Variants in PAPPA2 observed in about 807,000 individuals in gnomAD.
PAPPA2 encodes the protein pappalysin 2, also known as pappalysin-2.
A neutral mutation model predicts 176.4 loss-of-function variants in PAPPA2; 86 were observed. That is an observed-to-expected ratio of 0.49 (90% CI 0.41 to 0.58). PAPPA2 has a LOEUF of 0.58. PAPPA2 is among the 20% of genes least tolerant of loss of function. The pLI, the probability that PAPPA2 is intolerant of heterozygous loss-of-function variation, is 0.00. For synonymous variants in PAPPA2, 809 were observed against 852.2 expected, an observed-to-expected ratio of 0.95 and a Z score of 0.88; for missense variants, 2,073 against 2,256.9, an observed-to-expected ratio of 0.92 and a Z score of 1.65.
At chr1:176,649,667 A>G (rs1217276356) in intron 3 of PAPPA2, among the ~76,000 whole-genome samples, 1 of 151,410 alleles carries the variant, frequency 6.6e-6, no homozygotes, top group Non-Finnish European at 1.5e-5. Context: ...TGTAATGGTC[A>G]CTCAGAAACA....
chr1:176,629,417 G>A (rs1656220758), intron 3 of PAPPA2, among the ~76,000 whole-genome samples: 1 of 152,198 alleles, frequency 6.6e-6, no homozygotes, highest in South Asian at 2.1e-4. Context: ...TGGCAGGTGG[G>A]CAACTGGCAA....
At chr1:176,592,680 G>A (rs990021259) in intron 2 of PAPPA2, among the ~76,000 whole-genome samples, 4 of 152,038 alleles carry the variant, frequency 2.6e-5, no homozygotes, top group African/African-American at 7.2e-5. Context: ...ATATCTGAAC[G>A]CATACATCTA....
At chr1:176,708,148 T>C (rs1174875484) in intron 10 of PAPPA2, among the ~76,000 whole-genome samples, 1 of 152,166 alleles carries the variant, frequency 6.6e-6, no homozygotes, top group Non-Finnish European at 1.5e-5. Flanking sequence ...GTAGCTCAAG[T>C]CTTATTTAAC....
At chr1:176,600,516 A>G (rs1262949522) in intron 3 of PAPPA2, among the ~76,000 whole-genome samples, 2 of 151,518 alleles carry the variant, frequency 1.3e-5, no homozygotes, top group African/African-American at 4.9e-5. Flanking sequence ...CTCTACTAAA[A>G]ATACAAAAAA....
At chr1:176,527,762 C>T (rs1418402763) in intron 1 of PAPPA2, among the ~76,000 whole-genome samples, 1 of 152,046 alleles carries the variant, frequency 6.6e-6, no homozygotes, top group Non-Finnish European at 1.5e-5. Context: ...AGAAGAAACC[C>T]TCCACCAAGA....
intron 3 of PAPPA2, among the ~76,000 whole-genome samples, chr1:176,660,552 A>G (rs1658306106): frequency 6.6e-6 from 1 of 152,130 alleles, no homozygotes; most frequent in South Asian, 2.1e-4. Flanking sequence ...GATCTGGGCT[A>G]GGGATATAAA....
chr1:176,840,596 G>A (rs946511137), intron 22 of PAPPA2, among the ~76,000 whole-genome samples: 1 of 152,006 alleles, frequency 6.6e-6, no homozygotes, highest in Admixed American at 6.6e-5. Flanking sequence ...GGGGGAGGTG[G>A]GATTATCAAC....
chr1:176,481,299 C>CACACAG (rs1228115162), intron 1 of PAPPA2, among the ~76,000 whole-genome samples: 3 of 146,774 alleles, frequency 2.0e-5, no homozygotes, highest in African/African-American at 7.6e-5. Flanking sequence ...CACACACACA[C>CACACAG]AGACAAAGCA....
chr1:176,671,805 G>A (rs1428038128), intron 4 of PAPPA2, among the ~76,000 whole-genome samples: 11 of 150,030 alleles, frequency 7.3e-5, no homozygotes, highest in Admixed American at 2.0e-4. Flanking sequence ...GTAAACTATC[G>A]CAAGAACAAA....
chr1:176,771,049 C>T lies in PAPPA2; in HGVS notation c.4584C>T (p.Pro1528=). 6.2e-7 allele frequency: 1 copy of T among 1,614,084 alleles called. No homozygotes were observed. The highest frequency in any genetic ancestry group is 8.5e-7 in the Non-Finnish European group (1 of 1,179,994). Residue 1528 remains proline (P), a synonymous_variant, in exon 17 of 23, where the codon CCC becomes CCT. Transcript: ENST00000367662. ...EVYCKLECDA[P]PIILNANLLL... The stretch of plus-strand genomic sequence containing the variant: ...ACTGCAAGTTGGAGTGTGATGCTCC[C>T]CCTATTATTCTGAATGCCAACTTGC...
intron 4 of PAPPA2, among the ~76,000 whole-genome samples, chr1:176,686,841 A>T (rs908084201): frequency 2.0e-5 from 3 of 152,108 alleles, no homozygotes; most frequent in African/African-American, 7.2e-5. Flanking sequence ...AGATGAAGAG[A>T]TTAGGGGAAA....
chr1:176,793,044 T>C (rs1199962094), intron 19 of PAPPA2, among the ~76,000 whole-genome samples: 2 of 152,170 alleles, frequency 1.3e-5, no homozygotes, highest in Non-Finnish European at 2.9e-5. Flanking sequence ...TCTGGAGTAA[T>C]TTTATAATTT....
At chr1:176,749,871 T>C (rs1212074795) in intron 14 of PAPPA2, among the ~76,000 whole-genome samples, 1 of 152,228 alleles carries the variant, frequency 6.6e-6, no homozygotes, top group African/African-American at 2.4e-5. Flanking sequence ...TTTATCCATA[T>C]ACCTATTGAA....
chr1:176,527,657 G>A (rs1649573056), intron 1 of PAPPA2, among the ~76,000 whole-genome samples: 1 of 152,182 alleles, frequency 6.6e-6, no homozygotes, highest in South Asian at 2.1e-4. Context: ...TCACCTGCAG[G>A]TAGAATGGCT....
chr1:176,588,826 G>T (rs946108886), intron 2 of PAPPA2, among the ~76,000 whole-genome samples: 5 of 152,288 alleles, frequency 3.3e-5, no homozygotes, highest in South Asian at 2.1e-4. Flanking sequence ...CTGCCCTGGG[G>T]GTGTGTCCTT....
At chr1:176,653,263 A>C (rs1657844720) in intron 3 of PAPPA2, among the ~76,000 whole-genome samples, 1 of 151,744 alleles carries the variant, frequency 6.6e-6, no homozygotes, top group Non-Finnish European at 1.5e-5. Context: ...GCACTCTTAG[A>C]GGATCATCCC....
chr1:176,597,150 C>G (rs1319472584), intron 3 of PAPPA2, among the ~76,000 whole-genome samples: 1 of 152,164 alleles, frequency 6.6e-6, no homozygotes, highest in Non-Finnish European at 1.5e-5. Context: ...AATTTGGAAT[C>G]AAGGGACATG....
chr1:176,586,484 T>A (rs1653319509), intron 2 of PAPPA2, among the ~76,000 whole-genome samples: 1 of 152,090 alleles, frequency 6.6e-6, no homozygotes, highest in Admixed American at 6.5e-5. Context: ...GTTGTTCCCC[T>A]CTCTGTGTCC....
chr1:176,828,869 G>C (rs1666961815), intron 21 of PAPPA2, among the ~76,000 whole-genome samples: 1 of 152,064 alleles, frequency 6.6e-6, no homozygotes, highest in Admixed American at 6.6e-5. Context: ...TGGGCGTGGT[G>C]GTGGGCAGCT....
Sources: allele counts gnomAD v4.1 joint callset (sites outside exome capture counted in the v4.1 genomes callset), GRCh38; gene constraint gnomAD v4.1.1; transcripts MANE v1.5; gene names NCBI Gene and HGNC (gene_info 2026-07-23, HGNC 2026-07-21).